Variants in PRR16 observed in about 807,000 individuals in gnomAD.
PRR16 encodes protein Largen.
In PRR16, 6 loss-of-function variants were observed where a neutral mutation model predicts 18.2. The ratio of observed to expected loss-of-function variants is 0.33; its 90% CI spans 0.18 to 0.65. The LOEUF (loss-of-function observed/expected upper bound fraction) is 0.65, where lower values mean the gene tolerates loss of function less well. Ranked by LOEUF, PRR16 falls within the 30% of genes least tolerant of loss-of-function variation. The probability of loss-of-function intolerance (pLI) is 0.74; values close to 1 mark genes in which losing one functional copy is unlikely to be tolerated. For synonymous variants in PRR16, 151 were observed against 147.8 expected, an observed-to-expected ratio of 1.02 and a Z score of -0.16; for missense variants, 412 against 376.6, an observed-to-expected ratio of 1.09 and a Z score of -0.78.
At chr5:120,587,575 C>T (rs1753488094) in intron 1 of PRR16, among the ~76,000 whole-genome samples, 1 of 152,116 alleles carries the variant, frequency 6.6e-6, no homozygotes, top group African/African-American at 2.4e-5. Context: ...AACAACAAAG[C>T]CTGAATGAAA....
intron 1 of PRR16, among the ~76,000 whole-genome samples, chr5:120,516,492 C>T (rs1366524620): frequency 2.0e-5 from 3 of 148,644 alleles, no homozygotes; most frequent in Non-Finnish European, 4.4e-5. Context: ...AGGACACACA[C>T]ACACACACAC....
chr5:120,780,169 GC>G, the PRR16 span, among the ~76,000 whole-genome samples: 1 of 152,062 alleles, frequency 6.6e-6, no homozygotes. Context: ...TTACTTATGA[GC>G]CCCAGACTCC....
intron 1 of PRR16, among the ~76,000 whole-genome samples, chr5:120,480,202 G>C (rs903146730): frequency 2.0e-5 from 3 of 152,146 alleles, no homozygotes; most frequent in African/African-American, 7.2e-5. Flanking sequence ...TTGAACCTGG[G>C]AGGCAGAGGT....
At chr5:120,476,266 G>A (rs946558271) in intron 1 of PRR16, among the ~76,000 whole-genome samples, 10 of 152,042 alleles carry the variant, frequency 6.6e-5, no homozygotes, top group African/African-American at 1.7e-4. Context: ...CAGTGGTCCC[G>A]TCTTTCCAAT....
chr5:120,670,030 A>C (rs1176242997), intron 1 of PRR16, among the ~76,000 whole-genome samples: 1 of 152,128 alleles, frequency 6.6e-6, no homozygotes, highest in Non-Finnish European at 1.5e-5. Context: ...ACCATAAGCA[A>C]AATATGTAAT....
At chr5:120,674,165 G>A (rs577343883) in intron 1 of PRR16, among the ~76,000 whole-genome samples, 2 of 152,108 alleles carry the variant, frequency 1.3e-5, no homozygotes, top group African/African-American at 4.8e-5. Context: ...GTACTGATAT[G>A]CCATCTACCT....
the PRR16 span, among the ~76,000 whole-genome samples, chr5:120,705,555 A>G: frequency 6.6e-6 from 1 of 152,068 alleles, no homozygotes; most frequent in Non-Finnish European, 1.5e-5. Flanking sequence ...TTTTTTCTTT[A>G]TAATCAGCTT....
At chr5:120,606,878 C>T (rs1019702564) in intron 1 of PRR16, among the ~76,000 whole-genome samples, 14 of 151,766 alleles carry the variant, frequency 9.2e-5, no homozygotes, top group African/African-American at 3.4e-4. Flanking sequence ...GTACTCCAGC[C>T]TGGGAGACAG....
downstream of PRR16, among the ~76,000 whole-genome samples, chr5:120,689,685 C>T (rs1225210356): frequency 6.6e-6 from 1 of 151,410 alleles, no homozygotes; most frequent in African/African-American, 2.4e-5. Context: ...TGATAATATC[C>T]ATACTGTAAA....
At chr5:120,557,049 A>T (rs376895301) in intron 1 of PRR16, among the ~76,000 whole-genome samples, 4 of 151,884 alleles carry the variant, frequency 2.6e-5, no homozygotes, top group East Asian at 3.9e-4. Context: ...CAGATGTAAC[A>T]CTGGACCCTG....
chr5:120,569,398 G>A (rs191861440), intron 1 of PRR16, among the ~76,000 whole-genome samples: 7 of 152,242 alleles, frequency 4.6e-5, no homozygotes, highest in Non-Finnish European at 8.8e-5. Context: ...GGGTCTCAGG[G>A]TTTTCCCCTC....
At chr5:120,528,368 C>A (rs916492904) in intron 1 of PRR16, among the ~76,000 whole-genome samples, 1 of 152,204 alleles carries the variant, frequency 6.6e-6, no homozygotes, top group Middle Eastern at 3.4e-3. Flanking sequence ...CATTTCAGTA[C>A]AATGAATGGT....
chr5:120,517,252 A>G (rs1042567177), intron 1 of PRR16, among the ~76,000 whole-genome samples: 2 of 152,172 alleles, frequency 1.3e-5, no homozygotes, highest in Non-Finnish European at 2.9e-5. Flanking sequence ...TTACTTTACT[A>G]GAGTAGTACA....
At chr5:120,472,141 C>G (rs1392790112) in intron 1 of PRR16, among the ~76,000 whole-genome samples, 1 of 152,064 alleles carries the variant, frequency 6.6e-6, no homozygotes, top group East Asian at 1.9e-4. Context: ...AAATTACATA[C>G]TTATGCTCAA....
chr5:120,584,907 C>T (rs1037798594), intron 1 of PRR16, among the ~76,000 whole-genome samples: 38 of 152,144 alleles, frequency 2.5e-4, no homozygotes, highest in African/African-American at 8.2e-4. Context: ...GACTTGTAGA[C>T]ACTGGATCAT....
chr5:120,565,279 C>T (rs1397203268), intron 1 of PRR16, among the ~76,000 whole-genome samples: 1 of 151,998 alleles, frequency 6.6e-6, no homozygotes, highest in Non-Finnish European at 1.5e-5. Context: ...TTTTCAATTT[C>T]TTTATGTGTG....
the PRR16 span, among the ~76,000 whole-genome samples, chr5:120,707,830 G>T: frequency 1.3e-5 from 2 of 152,262 alleles, no homozygotes; most frequent in Admixed American, 6.5e-5. Flanking sequence ...GTATGAAAAA[G>T]TTGCCAGGGG....
intron 1 of PRR16, among the ~76,000 whole-genome samples, chr5:120,683,103 G>A (rs556255302): frequency 6.6e-6 from 1 of 152,186 alleles, no homozygotes; most frequent in African/African-American, 2.4e-5. Context: ...GAGAGATTGG[G>A]AACAGAAATA....
the PRR16 span, among the ~76,000 whole-genome samples, chr5:120,764,575 C>A: frequency 6.6e-6 from 1 of 151,694 alleles, no homozygotes; most frequent in Non-Finnish European, 1.5e-5. Context: ...AACTAGTTGG[C>A]GAGGTGGCCT....
Sources: allele counts gnomAD v4.1 joint callset (sites outside exome capture counted in the v4.1 genomes callset), GRCh38; gene constraint gnomAD v4.1.1; transcripts MANE v1.5; gene names NCBI Gene and HGNC (gene_info 2026-07-23, HGNC 2026-07-21).